Variants in PFKFB3 observed in about 807,000 individuals in gnomAD.
PFKFB3 encodes the protein 6-phosphofructo-2-kinase/fructose-2,6-biphosphatase 3.
PFKFB3 carries 33 observed loss-of-function variants against 68.0 expected under a neutral mutation model. That is an observed-to-expected ratio of 0.49 (90% CI 0.37 to 0.65). The LOEUF (loss-of-function observed/expected upper bound fraction) is 0.65, where lower values mean the gene tolerates loss of function less well. Among genes scored for constraint, PFKFB3 ranks in the 30% least tolerant of loss-of-function variants. The pLI is 0.00. For synonymous variants in PFKFB3, 315 were observed against 288.2 expected, an observed-to-expected ratio of 1.09 and a Z score of -0.94; for missense variants, 586 against 712.2, an observed-to-expected ratio of 0.82 and a Z score of 2.02.
the PFKFB3 span, among the ~76,000 whole-genome samples, chr10:6,325,426 A>G: frequency 6.6e-6 from 1 of 152,358 alleles, no homozygotes; most frequent in East Asian, 1.9e-4. Context: ...TTGTGTGTGT[A>G]TACACACATA....
At chr10:6,306,689 A>G in the PFKFB3 span, among the ~76,000 whole-genome samples, 5 of 152,202 alleles carry the variant, frequency 3.3e-5, no homozygotes, top group African/African-American at 4.8e-5. Context: ...CAACATAATA[A>G]CTATTCATCA....
At chr10:6,166,821 C>CTTTTT (rs144747290) in intron 1 of PFKFB3, among the ~76,000 whole-genome samples, 118 of 95,216 alleles carry the variant, frequency 1.2e-3, no homozygotes, top group East Asian at 1.6e-3. Context: ...CCTTCTTCTT[C>CTTTTT]TTTTTTTTTT....
At chr10:6,305,005 ATT>A in the PFKFB3 span, among the ~76,000 whole-genome samples, 429 of 14,500 alleles carry the variant, frequency 0.03, 1 homozygote, top group South Asian at 0.055. Flanking sequence ...AATATTAGGA[ATT>A]TTTTTTTTTT....
intron 4 of PFKFB3, 63 bp downstream of exon 4, chr10:6,216,254 C>G: frequency 6.8e-7 from 1 of 1,466,656 alleles, no homozygotes; most frequent in Non-Finnish European, 9.6e-7. Context: ...TCCTCACCGG[C>G]CTGGGGTGTA....
chr10:6,226,853 A>C (rs1845393622), intron 14 of PFKFB3, among the ~76,000 whole-genome samples: 1 of 152,224 alleles, frequency 6.6e-6, no homozygotes, highest in Non-Finnish European at 1.5e-5. Flanking sequence ...TGGGAGGCCG[A>C]GGTGGGCGGA....
intron 1 of PFKFB3, among the ~76,000 whole-genome samples, chr10:6,175,840 C>T (rs2131760532): frequency 6.6e-6 from 1 of 152,294 alleles, no homozygotes; most frequent in East Asian, 1.9e-4. Context: ...GTTAGAGTGG[C>T]TAACAAGAAA....
intron 1 of PFKFB3, among the ~76,000 whole-genome samples, chr10:6,182,661 C>T (rs1842751938): frequency 6.6e-6 from 1 of 152,212 alleles, no homozygotes; most frequent in Non-Finnish European, 1.5e-5. Context: ...CAGCCTCAGG[C>T]CCTGTTCCCC....
the PFKFB3 span, among the ~76,000 whole-genome samples, chr10:6,273,389 C>T: frequency 2.6e-5 from 4 of 152,120 alleles, no homozygotes; most frequent in East Asian, 1.9e-4. Context: ...TTCCCGAGAA[C>T]GCCTGCTCTT....
intron 14 of PFKFB3, among the ~76,000 whole-genome samples, chr10:6,244,811 G>A (rs1047609944): frequency 6.6e-6 from 1 of 152,128 alleles, no homozygotes; most frequent in Admixed American, 6.6e-5. Context: ...AGGTTCATTC[G>A]TTCATTCGTA....
Position 6,213,658 on chromosome 10 carries a change from A to T in PFKFB3, c.112A>T (p.Ile38Phe). ...GPKLTNSPTVIVMVGLPARGK... is the reference protein window; with the variant it reads ...GPKLTNSPTVFVMVGLPARGK... ...AAAGCTGACCAACTCCCCCACCGTCATCGTCATGGTGGGCCTCCCCGCCCG... is the reference window on the plus strand; with the variant it reads ...AAAGCTGACCAACTCCCCCACCGTCTTCGTCATGGTGGGCCTCCCCGCCCG... Residue 38 changes from isoleucine (I) to phenylalanine (F), a missense_variant, in exon 2 of 15, where the codon ATC becomes TTC. By Grantham distance (21) the Ile-to-Phe change is conservative (BLOSUM62 0). Transcript: ENST00000379775. The T allele has an allele frequency of 6.2e-7, 1 of 1,613,416 alleles. No homozygotes were observed. The highest frequency in any genetic ancestry group is 8.5e-7 in the Non-Finnish European group (1 of 1,179,752).
the PFKFB3 span, among the ~76,000 whole-genome samples, chr10:6,325,850 C>T: frequency 6.6e-6 from 1 of 152,164 alleles, no homozygotes; most frequent in Non-Finnish European, 1.5e-5. Flanking sequence ...ACACGTACAT[C>T]AATGGTTATC....
chr10:6,223,093 A>G lies in PFKFB3; in HGVS notation c.1213+109A>G. The G allele has an allele frequency of 3.4e-6, 4 of 1,186,270 alleles. No homozygotes were observed. In the South Asian group the frequency reaches 5.9e-5, roughly 17 times the overall value. 73.5% of individuals were successfully genotyped at this position (1,186,270 alleles called of 1,614,324 possible). ...CCTGCCCTGTGTTGGCTGCTGTGCC[A>G]TGGGGTGTTAGGAGAAGGGCACAGG... On this transcript the variant is annotated intron_variant, in intron 11 of 14. Coordinates refer to ENST00000379775, the MANE Select transcript of PFKFB3 (RefSeq NM_004566.4).
rs1845174891 is a variant in PFKFB3, at chr10:6,224,308, A to G, written c.1341+95A>G. 3.2e-6 allele frequency: 4 copies of G among 1,237,176 alleles called. No homozygotes were observed. In the East Asian group the frequency reaches 7.1e-5, roughly 22 times the overall value. 76.6% of individuals were successfully genotyped at this position (1,237,176 alleles called of 1,614,324 possible). ...GGAGGCCCCGGGGCCGCTTGCCTGCAGGTGCTGGCCTGTCTGGGGCCATGG... is the reference window on the plus strand; with the variant it reads ...GGAGGCCCCGGGGCCGCTTGCCTGCGGGTGCTGGCCTGTCTGGGGCCATGG... On this transcript the variant is annotated intron_variant, in intron 13 of 14. Coordinates refer to ENST00000379775, the MANE Select transcript of PFKFB3 (RefSeq NM_004566.4).
At chr10:6,213,341 G>A (rs568717602) in intron 1 of PFKFB3, among the ~76,000 whole-genome samples, 4 of 152,266 alleles carry the variant, frequency 2.6e-5, no homozygotes, top group Non-Finnish European at 4.4e-5. Context: ...GCAACACAGC[G>A]AGACCCCATC....
At chr10:6,225,049 G>C (rs918335941) in intron 13 of PFKFB3, 6 of 449,876 alleles carry the variant, frequency 1.3e-5, no homozygotes, top group South Asian at 7.8e-5. Flanking sequence ...TGTCTACCTT[G>C]GGGGGAGGCC....
At chr10:6,276,529 C>T in the PFKFB3 span, among the ~76,000 whole-genome samples, 1 of 152,130 alleles carries the variant, frequency 6.6e-6, no homozygotes, top group Non-Finnish European at 1.5e-5. Context: ...GCTACAATAA[C>T]TCCAATTTGG....
intron 2 of PFKFB3, 134 bp downstream of exon 2, chr10:6,213,882 T>C: frequency 1.2e-6 from 1 of 868,886 alleles, no homozygotes; most frequent in South Asian, 1.6e-5. Flanking sequence ...CTGCCTCCCA[T>C]GCAGCTGGGT....
At chr10:6,307,608 C>T in the PFKFB3 span, among the ~76,000 whole-genome samples, 1 of 148,194 alleles carries the variant, frequency 6.7e-6, no homozygotes, top group Non-Finnish European at 1.5e-5. Flanking sequence ...CCCTTTCCTT[C>T]TTTCTTTCTG....
In PFKFB3 at chr10:6,233,241, A is replaced by G. The variant is rs747250693; in HGVS notation, c.*299A>G. 15 of 396,308 alleles carry G rather than the reference A, an allele frequency of 3.8e-5. No homozygotes were observed. Among genetic ancestry groups the G allele is most frequent in the Non-Finnish European group, 6.5e-5 (14 of 216,624 alleles). The allele number at this position is 396,308 out of a possible 1,614,324, so 24.5% of individuals were successfully genotyped here. ...ACCTTCACAAAGCCTTGGGAGGGTG[A>G]TGAGTGCTGGTCCTGACAGGAGGCC... On this transcript the variant is annotated 3_prime_UTR_variant, in exon 15 of 15. Coordinates refer to ENST00000379775, the MANE Select transcript of PFKFB3 (RefSeq NM_004566.4).
Sources: allele counts gnomAD v4.1 joint callset (sites outside exome capture counted in the v4.1 genomes callset), GRCh38; gene constraint gnomAD v4.1.1; transcripts MANE v1.5; gene names NCBI Gene and HGNC (gene_info 2026-07-23, HGNC 2026-07-21).